Variants in LCA5L observed in about 807,000 individuals in gnomAD.
LCA5L encodes lebercilin-like protein.
Under a neutral mutation model 45.4 loss-of-function variants are expected in LCA5L, and 35 were observed. The ratio of observed to expected loss-of-function variants is 0.77; its 90% confidence interval spans 0.59 to 1.02. The LOEUF (loss-of-function observed/expected upper bound fraction) is 1.02, where lower values mean the gene tolerates loss of function less well. Ranked by LOEUF, LCA5L falls within the 50% of genes least tolerant of loss-of-function variation. The pLI is 0.00. For missense variants in LCA5L, 668 were observed against 761.6 expected (o/e 0.88, Z 1.45); for synonymous variants, 233 against 264.7 (o/e 0.88, Z 1.16).
Position 39,423,067 on chromosome 21 carries a change from G to A in LCA5L, c.746C>T (p.Ser249Phe), listed in dbSNP as rs149837591. The change falls in exon 6 of 11, where the codon TCT (serine) becomes TTT (phenylalanine). Residue 249 changes from serine to phenylalanine, a missense_variant. By Grantham distance (155) the Ser-to-Phe change is radical (BLOSUM62 -2). Coordinates refer to ENST00000288350, the MANE Select transcript of LCA5L (RefSeq NM_152505.4). The stretch of plus-strand genomic sequence containing the variant: ...CCTTTCTGCAAGGTTTTTGTCTTCA[G>A]AAAGTTTCTGCAGTGCCTGCAAGAT... ...KDILQALQKL[S>F]EDKNLAEREE... 1 of 1,614,126 alleles carries A rather than the reference G, an allele frequency of 6.2e-7. No homozygotes were observed. The highest frequency in any genetic ancestry group is 1.3e-5 in the African/African-American group (1 of 75,044).
intron 2 of LCA5L, among the ~76,000 whole-genome samples, chr21:39,439,930 G>C (rs1314309041): frequency 6.6e-6 from 1 of 152,186 alleles, no homozygotes; most frequent in Admixed American, 6.5e-5. Flanking sequence ...CTGTCTGAAA[G>C]AGGGAAGGCT....
intron 1 of LCA5L, among the ~76,000 whole-genome samples, chr21:39,444,973 G>A (rs919064772): frequency 6.6e-6 from 1 of 152,108 alleles, no homozygotes; most frequent in Non-Finnish European, 1.5e-5. Flanking sequence ...GGGGAGGGGC[G>A]AGGGCTGGGA....
At chr21:39,440,776 A>G (rs952002182) in intron 2 of LCA5L, among the ~76,000 whole-genome samples, 10 of 152,184 alleles carry the variant, frequency 6.6e-5, no homozygotes, top group African/African-American at 2.4e-4. Flanking sequence ...CTGTCTGGTT[A>G]GAAAAAAACA....
chr21:39,422,950 ACTGT>A (rs765877109), intron 6 of LCA5L, 22 bp downstream of exon 6: 21 of 1,599,108 alleles, frequency 1.3e-5, no homozygotes, highest in Middle Eastern at 1.7e-4. Context: ...GGAATCTTAA[ACTGT>A]CTGGGCCCCT....
At chr21:39,428,569 T>TA in intron 4 of LCA5L, 66 bp from the exon 5 acceptor site, 1 of 242,968 alleles carries the variant, frequency 4.1e-6, no homozygotes, top group Non-Finnish European at 7.3e-6. Context: ...AATGAACCTA[T>TA]GCTTTATTTT....
intron 2 of LCA5L, chr21:39,438,597 G>A (rs2076510837): frequency 6.6e-6 from 1 of 152,074 alleles, no homozygotes; most frequent in South Asian, 2.1e-4. Context: ...TTAGTAAAAT[G>A]GGCAAAAGAT....
chr21:39,423,681 A>G (rs1011885638), intron 5 of LCA5L, among the ~76,000 whole-genome samples, 191 bp from the exon 6 acceptor site: 3 of 152,248 alleles, frequency 2.0e-5, no homozygotes, highest in African/African-American at 7.2e-5. Context: ...TACTTTATAT[A>G]TAACTACCTC....
chr21:39,419,516 C>A (rs1459015591), intron 7 of LCA5L, among the ~76,000 whole-genome samples: 11 of 107,648 alleles, frequency 1.0e-4, no homozygotes, highest in Non-Finnish European at 1.5e-4. Context: ...CAGAGCAAGA[C>A]CCTGTTCAAA....
intron 10 of LCA5L, chr21:39,408,533 C>T (rs999300210): frequency 6.6e-6 from 1 of 152,354 alleles, no homozygotes; most frequent in African/African-American, 2.4e-5. Context: ...GTCCCAAACA[C>T]CAGGTGAGCC....
chr21:39,410,972 G>T (rs368325025), intron 8 of LCA5L: 108 of 468,958 alleles, frequency 2.3e-4, no homozygotes, highest in African/African-American at 2.1e-3. Context: ...AGTCGAATCT[G>T]TTGCTGGGAG....
chr21:39,425,925 A>G (rs1270215807), intron 5 of LCA5L: 1 of 152,396 alleles, frequency 6.6e-6, no homozygotes, highest in Non-Finnish European at 1.5e-5. Flanking sequence ...CCATGGCCAC[A>G]GGAGCTCTGG....
intron 2 of LCA5L, among the ~76,000 whole-genome samples, chr21:39,441,170 TA>T (rs938447242): frequency 6.6e-6 from 1 of 150,778 alleles, no homozygotes; most frequent in Non-Finnish European, 1.5e-5. Flanking sequence ...ACCCTGTTCC[TA>T]AAAAAAAATT....
chr21:39,421,364 G>C (rs1481614738), intron 6 of LCA5L, among the ~76,000 whole-genome samples: 4 of 152,136 alleles, frequency 2.6e-5, no homozygotes, highest in East Asian at 1.9e-4. Context: ...CTGGTATTAC[G>C]GGCGAGAGGC....
At chr21:39,418,648 C>T (rs1207574153) in intron 7 of LCA5L, among the ~76,000 whole-genome samples, 1 of 152,042 alleles carries the variant, frequency 6.6e-6, no homozygotes, top group African/African-American at 2.4e-5. Context: ...TACAGGCACG[C>T]ATCACCATGC....
At chr21:39,414,740 C>CTGTGTGTGTGTGTGTGTGTGTG (rs796818060) in intron 7 of LCA5L, among the ~76,000 whole-genome samples, 1 of 104,062 alleles carries the variant, frequency 9.6e-6, no homozygotes, top group African/African-American at 4.0e-5. Context: ...CTCTCTCTCT[C>CTGTGTGTGTGTGTGTGTGTGTG]TCTGTGTGTG....
At chr21:39,410,707 G>T (rs1029931878) in intron 8 of LCA5L, 5 of 391,424 alleles carry the variant, frequency 1.3e-5, no homozygotes, top group Non-Finnish European at 2.5e-5. Flanking sequence ...CTGTGGCGGA[G>T]CTCTTGATTA....
At chr21:39,412,322 A>G (rs1466383528) in intron 7 of LCA5L, among the ~76,000 whole-genome samples, 1 of 152,178 alleles carries the variant, frequency 6.6e-6, no homozygotes, top group Non-Finnish European at 1.5e-5. Context: ...CCGGGGGGGA[A>G]GCCTAGAACA....
intron 7 of LCA5L, among the ~76,000 whole-genome samples, chr21:39,418,391 T>C (rs1030602640): frequency 6.6e-5 from 10 of 152,246 alleles, no homozygotes; most frequent in Admixed American, 2.6e-4. Flanking sequence ...TTTAATTTTC[T>C]TTTTAAAAAT....
intron 2 of LCA5L, among the ~76,000 whole-genome samples, chr21:39,441,355 C>G (rs958781945): frequency 6.6e-6 from 1 of 152,072 alleles, no homozygotes; most frequent in Non-Finnish European, 1.5e-5. Flanking sequence ...AGGCAGTATA[C>G]TGTGGAAGAA....
Sources: gnomAD v4.1 joint callset for allele counts (sites outside exome capture counted in the v4.1 genomes callset) on GRCh38, gnomAD v4.1.1 for gene constraint, MANE v1.5 for transcripts, NCBI Gene and HGNC (gene_info 2026-07-23, HGNC 2026-07-21) for gene names.